Variants in DPF1 observed in about 807,000 individuals in gnomAD.
The protein encoded by DPF1 is double PHD fingers 1.
In DPF1, 14 loss-of-function variants were observed where a neutral mutation model predicts 58.7. The observed-to-expected ratio is 0.24, with a 90% CI of 0.16 to 0.37. DPF1 has a LOEUF of 0.37. DPF1 is among the 10% of genes least tolerant of loss of function. DPF1 has a pLI of 1.00. For synonymous variants in DPF1, 216 were observed against 216.0 expected, an observed-to-expected ratio of 1.00 and a Z score of 0.00; for missense variants, 345 against 529.9, an observed-to-expected ratio of 0.65 and a Z score of 3.43.
intron 10 of DPF1, among the ~76,000 whole-genome samples, chr19:38,213,376 C>T (rs1466540041): frequency 1.3e-5 from 2 of 152,178 alleles, no homozygotes; most frequent in African/African-American, 4.8e-5. Flanking sequence ...GCTGGCTGAC[C>T]CTGGGCAGGT....
At position 38,224,099 on chromosome 19, in the gene DPF1, G is replaced by C; in HGVS notation, c.29+15C>G. 1 of 1,497,410 alleles carries C rather than the reference G, an allele frequency of 6.7e-7. No individual in the cohort carries two copies. Among genetic ancestry groups the C allele is most frequent in the Non-Finnish European group, 8.8e-7 (1 of 1,134,252 alleles). 92.8% of individuals were successfully genotyped at this position (1,497,410 alleles called of 1,614,324 possible). A position where few individuals can be genotyped will look rare whatever the true frequency, so the allele number is the denominator to read the frequency against. On this transcript the variant is annotated intron_variant, in intron 1 of 11. Transcript: ENST00000355526. The surrounding 1 kb of genome is among the most constrained non-coding windows in gnomAD (Gnocchi z 4.5). ...CGCCCGCGCTTCCTCTCCGCCTCCC[G>C]CCGGCCCGCACCACCTCAGGGGGCC...
At chr19:38,228,053 G>A (rs933144305), upstream of DPF1, 1 of 152,528 alleles carries the variant, frequency 6.6e-6, no homozygotes, top group African/African-American at 2.4e-5. Context: ...CTGCACAAGA[G>A]CCCCGTTCCC....
chr19:38,217,207 C>T (rs548841666), intron 7 of DPF1, among the ~76,000 whole-genome samples: 1 of 152,068 alleles, frequency 6.6e-6, no homozygotes, highest in African/African-American at 2.4e-5. Flanking sequence ...CCATCTATCA[C>T]CCCCCCTCCC....
chr19:38,213,541 T>A, intron 10 of DPF1, 103 bp downstream of exon 10: 1 of 954,534 alleles, frequency 1.0e-6, no homozygotes, highest in Non-Finnish European at 1.6e-6. Flanking sequence ...GGGACTGGTG[T>A]TCACCAGGGA....
At chr19:38,226,502 CTACACACACACA>C (rs1423094817), upstream of DPF1, among the ~76,000 whole-genome samples, 57 of 112,390 alleles carry the variant, frequency 5.1e-4, 1 homozygote, top group African/African-American at 1.7e-3. Context: ...ACGGTCACTT[CTACACACACACA>C]CACACACACA....
At chr19:38,213,597 C>A (rs759061623) in intron 10 of DPF1, 47 bp downstream of exon 10, 1 of 1,556,338 alleles carries the variant, frequency 6.4e-7, no homozygotes, top group Non-Finnish European at 8.8e-7. Context: ...GGTGGACGTG[C>A]CAGGCGGGGC....
At chr19:38,218,817 C>G in intron 4 of DPF1, 114 bp downstream of exon 4, 1 of 1,562,214 alleles carries the variant, frequency 6.4e-7, no homozygotes, top group Non-Finnish European at 8.7e-7. Flanking sequence ...CTGGGATGCC[C>G]AACAGCCAGA....
In DPF1 at chr19:38,212,377, C is replaced by A. The variant is rs1286943392; in HGVS notation, c.1012-16G>T. 7.0e-7 allele frequency: 1 copy of A among 1,420,912 alleles called. No individual in the cohort carries two copies. Among genetic ancestry groups the A allele is most frequent in the African/African-American group, 1.5e-5 (1 of 67,720 alleles). 88.0% of individuals were successfully genotyped at this position (1,420,912 alleles called of 1,614,324 possible). On this transcript the variant is annotated splice_polypyrimidine_tract_variant and intron_variant, in intron 10 of 11. Coordinates refer to ENST00000355526, the MANE Select transcript of DPF1 (RefSeq NM_001135155.3). ...GCAGCTGGTCCTGGGGGGTGAGACC[C>A]GCCCAGCTGGCACCCTGGGGGCACG...
intron 3 of DPF1, among the ~76,000 whole-genome samples, chr19:38,221,282 A>C (rs1354321991): frequency 1.3e-5 from 2 of 152,216 alleles, no homozygotes; most frequent in African/African-American, 4.8e-5. Flanking sequence ...TCAAGCCTGT[A>C]ATCCCAGCAC....
At chr19:38,214,741 T>G (rs1966886378) in intron 9 of DPF1, among the ~76,000 whole-genome samples, 1 of 151,806 alleles carries the variant, frequency 6.6e-6, no homozygotes, top group African/African-American at 2.4e-5. Flanking sequence ...CACAGTGCAC[T>G]CTGCAGCCTT....
chr19:38,222,915 G>C lies in DPF1; in HGVS notation c.30-207C>G. The C allele has an allele frequency of 1.7e-6, 1 of 597,160 alleles. No homozygotes were observed. Among genetic ancestry groups the C allele is most frequent in the Non-Finnish European group, 2.7e-6 (1 of 364,102 alleles). 37.0% of individuals were successfully genotyped at this position (597,160 alleles called of 1,614,324 possible). On this transcript the variant is annotated intron_variant, in intron 1 of 11. Coordinates refer to ENST00000355526, the MANE Select transcript of DPF1 (RefSeq NM_001135155.3). The surrounding 1 kb of genome is among the most constrained non-coding windows in gnomAD (Gnocchi z 4.9). The stretch of plus-strand genomic sequence containing the variant: ...GGCCCCCAAACTGGGACTCAAACAG[G>C]CCCCCAGCTCATGAGTAGAAACACG...
At position 38,224,086 on chromosome 19, in the gene DPF1, C is replaced by G. The variant is rs2146214382; in HGVS notation, c.29+28G>C. 1.6e-5 allele frequency: 24 copies of G among 1,498,894 alleles called. No individual in the cohort carries two copies. Among genetic ancestry groups the G allele is most frequent in the Non-Finnish European group, 2.0e-5 (23 of 1,136,648 alleles). 92.8% of individuals were successfully genotyped at this position (1,498,894 alleles called of 1,614,324 possible). On this transcript the variant is annotated intron_variant, in intron 1 of 11. Coordinates refer to ENST00000355526, the MANE Select transcript of DPF1 (RefSeq NM_001135155.3). The surrounding 1 kb of genome is among the most constrained non-coding windows in gnomAD (Gnocchi z 4.5). The stretch of plus-strand genomic sequence containing the variant: ...GCCCGCGTAGACCCGCCCGCGCTTC[C>G]TCTCCGCCTCCCGCCGGCCCGCACC...
chr19:38,219,258 A>C, intron 3 of DPF1, 200 bp from the exon 4 acceptor site: 2 of 677,456 alleles, frequency 3.0e-6, no homozygotes, highest in South Asian at 3.9e-5. Context: ...GCACAGCAGG[A>C]GACACGGTCA....
Position 38,224,201 on chromosome 19 carries a change from G to C in DPF1, c.-59C>G, listed in dbSNP as rs1247464081. 2.2e-6 allele frequency: 3 copies of C among 1,360,600 alleles called. No individual in the cohort carries two copies. Among genetic ancestry groups the C allele is most frequent in the East Asian group, 2.9e-5 (1 of 34,192 alleles). The allele number at this position is 1,360,600 out of a possible 1,614,324, so 84.3% of individuals were successfully genotyped here. A position where few individuals can be genotyped will look rare whatever the true frequency, so the allele number is the denominator to read the frequency against. ...CGCCGGGTCGGTCCTCCCAGCGGTC[G>C]GGCGGGCGCTGAGGCCGCCCATCCA... On this transcript the variant is annotated 5_prime_UTR_variant, in exon 1 of 12. Coordinates refer to ENST00000355526, the MANE Select transcript of DPF1 (RefSeq NM_001135155.3). This position sits in a 1 kb window ranked among gnomAD's most constrained non-coding sequence, Gnocchi z 4.5.
Position 38,216,272 on chromosome 19 carries a change from A to C in DPF1, c.779-13T>G. 6.2e-7 allele frequency: 1 copy of C among 1,613,978 alleles called. No homozygotes were observed. ...GGCGCCTTCTTGGCTGCAAGACAGC[A>C]GACAGGCATTGGCACGGGGCAGGCA... is the stretch of plus-strand genomic sequence containing the variant. On this transcript the variant is annotated splice_polypyrimidine_tract_variant and intron_variant, in intron 8 of 11. Transcript: ENST00000355526.
chr19:38,213,521 G>T, intron 10 of DPF1, 123 bp downstream of exon 10: 2 of 795,792 alleles, frequency 2.5e-6, no homozygotes, highest in Non-Finnish European at 4.2e-6. Flanking sequence ...CCGGCATAAT[G>T]ATAACACAGG....
chr19:38,217,396 C>CCCCA, intron 7 of DPF1, 64 bp downstream of exon 7: 6 of 1,225,712 alleles, frequency 4.9e-6, no homozygotes, highest in East Asian at 3.1e-5. Context: ...CCCCCACCCC[C>CCCCA]AGCTGGGCTC....
chr19:38,224,374 G>A (rs933841172), upstream of DPF1: 14 of 1,047,862 alleles, frequency 1.3e-5, no homozygotes, highest in African/African-American at 1.7e-5. This position sits in a 1 kb window ranked among gnomAD's most constrained non-coding sequence, Gnocchi z 4.5. Context: ...GGGGCCCGGG[G>A]CACGCACCGT....
chr19:38,227,696 G>T (rs758561387), upstream of DPF1, among the ~76,000 whole-genome samples: 5 of 152,216 alleles, frequency 3.3e-5, no homozygotes, highest in Non-Finnish European at 5.9e-5. Flanking sequence ...CCATCGGGTG[G>T]TAAGGGCTGT....
Sources: gnomAD v4.1 joint callset for allele counts (sites outside exome capture counted in the v4.1 genomes callset) on GRCh38, gnomAD v4.1.1 for gene constraint, Gnocchi (gnomAD v3.1) non-coding constraint, MANE v1.5 for transcripts, NCBI Gene and HGNC (gene_info 2026-07-23, HGNC 2026-07-21) for gene names.